Variants in GALNT13 observed in about 807,000 individuals in gnomAD.
The protein encoded by GALNT13 is polypeptide N-acetylgalactosaminyltransferase 13.
A neutral mutation model predicts 64.2 loss-of-function variants in GALNT13; 28 were observed. The observed-to-expected ratio is 0.44, with a 90% CI of 0.32 to 0.60. The LOEUF (loss-of-function observed/expected upper bound fraction) is 0.60, where lower values mean the gene tolerates loss of function less well. GALNT13 is among the 20% of genes least tolerant of loss of function. The pLI, the probability that GALNT13 is intolerant of heterozygous loss-of-function variation, is 0.05. For synonymous variants in GALNT13, 214 were observed against 224.6 expected (o/e 0.95, Z 0.42); for missense variants, 577 against 669.8 (o/e 0.86, Z 1.53).
chr2:153,722,527 T>C, the GALNT13 span, among the ~76,000 whole-genome samples: 5 of 149,566 alleles, frequency 3.3e-5, no homozygotes, highest in African/African-American at 1.3e-4. Flanking sequence ...GAGCTGGTTT[T>C]TTGAAAGGAT....
the GALNT13 span, among the ~76,000 whole-genome samples, chr2:153,830,862 C>T: frequency 1.3e-5 from 2 of 152,058 alleles, no homozygotes; most frequent in Non-Finnish European, 1.5e-5. Context: ...TATGTGTTTA[C>T]GTATTCTTTC....
the GALNT13 span, among the ~76,000 whole-genome samples, chr2:153,742,076 T>C: frequency 6.6e-6 from 1 of 152,072 alleles, no homozygotes; most frequent in Non-Finnish European, 1.5e-5. Context: ...TTAAAAAAAA[T>C]TGTTATTCCT....
rs550992177 is a variant in GALNT13, at chr2:153,974,168, A to T, written c.142+29529A>T. Reference sequence around the variant, plus strand: ...TTTTGTGGCTGTTACTTGCCTGCTCAGTGTCCTTCAATAATTTCCAACTAA... The same window carrying T: ...TTTTGTGGCTGTTACTTGCCTGCTCTGTGTCCTTCAATAATTTCCAACTAA... On this transcript the variant is annotated intron_variant, in intron 3 of 12. Coordinates refer to ENST00000392825, the MANE Select transcript of GALNT13 (RefSeq NM_052917.4). Among the ~76,000 whole-genome samples the T allele has an allele frequency of 2.0e-5, 3 of 152,148 alleles. No individual in the cohort carries two copies. In the South Asian group the frequency reaches 6.2e-4, roughly 32 times the overall value.
the GALNT13 span, among the ~76,000 whole-genome samples, chr2:153,283,913 A>C: frequency 1.3e-5 from 2 of 152,168 alleles, no homozygotes; most frequent in African/African-American, 4.8e-5. Context: ...TTGGTGCTCC[A>C]AATGGCTGGA....
chr2:153,262,639 A>C, the GALNT13 span, among the ~76,000 whole-genome samples: 2 of 152,208 alleles, frequency 1.3e-5, no homozygotes, highest in African/African-American at 2.4e-5. Flanking sequence ...ATGCAAAGCT[A>C]GTTCAACATA....
chr2:153,178,601 G>A, the GALNT13 span, among the ~76,000 whole-genome samples: 1 of 151,850 alleles, frequency 6.6e-6, no homozygotes. Context: ...ATATATTGTG[G>A]ATATTAGCCC....
intron 3 of GALNT13, among the ~76,000 whole-genome samples, chr2:154,041,745 T>C (rs1342174621): frequency 7.1e-6 from 1 of 140,662 alleles, no homozygotes; most frequent in East Asian, 2.0e-4. Context: ...AATATGGGAA[T>C]CTCTAATGTC....
At chr2:154,113,471 G>A (rs944793576) in intron 3 of GALNT13, among the ~76,000 whole-genome samples, 10 of 152,202 alleles carry the variant, frequency 6.6e-5, no homozygotes, top group South Asian at 2.1e-4. Flanking sequence ...CCCACTGGGC[G>A]TTGTGCCTCT....
the GALNT13 span, among the ~76,000 whole-genome samples, chr2:153,407,836 T>C: frequency 2.0e-5 from 3 of 152,162 alleles, no homozygotes; most frequent in Non-Finnish European, 4.4e-5. Context: ...AGCAGGAAGA[T>C]TAAACATTAA....
chr2:153,298,455 A>G, the GALNT13 span, among the ~76,000 whole-genome samples: 1 of 152,200 alleles, frequency 6.6e-6, no homozygotes, highest in African/African-American at 2.4e-5. Context: ...CAGTTACCCA[A>G]GTGCAGCAAA....
the GALNT13 span, among the ~76,000 whole-genome samples, chr2:153,218,444 G>A: frequency 6.6e-6 from 1 of 151,966 alleles, no homozygotes; most frequent in Non-Finnish European, 1.5e-5. Flanking sequence ...TTTTTCTCCA[G>A]ACAGAATTAG....
chr2:153,842,117 A>G, the GALNT13 span, among the ~76,000 whole-genome samples: 1 of 151,962 alleles, frequency 6.6e-6, no homozygotes, highest in Non-Finnish European at 1.5e-5. Flanking sequence ...AAAAGTATAA[A>G]ACTGTGGGAT....
At chr2:153,873,174 G>T (rs72862045) in intron 1 of GALNT13, among the ~76,000 whole-genome samples, 7,450 of 152,250 alleles carry the variant, frequency 0.049, 235 homozygotes, top group South Asian at 0.1. Flanking sequence ...CATCTAATGG[G>T]TATCTCCAGG....
chr2:153,844,452 C>A, the GALNT13 span, among the ~76,000 whole-genome samples: 63,311 of 152,048 alleles, frequency 0.42, 14,160 homozygotes, highest in Admixed American at 0.57. Context: ...GGCCCTGGAC[C>A]AGGGCAACAA....
At chr2:153,856,576 G>T in the GALNT13 span, among the ~76,000 whole-genome samples, 2 of 152,098 alleles carry the variant, frequency 1.3e-5, no homozygotes, top group Non-Finnish European at 2.9e-5. Context: ...AAATCAAAAT[G>T]AGGTAAATCC....
the GALNT13 span, among the ~76,000 whole-genome samples, chr2:153,175,445 CTTAGTG>C: frequency 6.6e-6 from 1 of 152,080 alleles, no homozygotes; most frequent in African/African-American, 2.4e-5. Flanking sequence ...AAAATTCAAA[CTTAGTG>C]TTAAGTAGGG....
the GALNT13 span, among the ~76,000 whole-genome samples, chr2:153,356,780 C>CTTA: frequency 8.3e-6 from 1 of 120,762 alleles, no homozygotes; most frequent in African/African-American, 3.1e-5. Flanking sequence ...TGGAAATTTT[C>CTTA]TTCTTCCTCT....
chr2:153,716,252 A>T, the GALNT13 span, among the ~76,000 whole-genome samples: 1 of 152,174 alleles, frequency 6.6e-6, no homozygotes, highest in Admixed American at 6.5e-5. Context: ...AGCTTGTCCA[A>T]CCCATGGCCC....
chr2:154,216,802 CTTTTT>C (rs397872685), intron 4 of GALNT13, among the ~76,000 whole-genome samples: 3 of 71,296 alleles, frequency 4.2e-5, no homozygotes, highest in African/African-American at 5.4e-5. Flanking sequence ...TTCTCTCTCT[CTTTTT>C]TTTTTTTTTT....
Sources: gnomAD v4.1 joint callset for allele counts (sites outside exome capture counted in the v4.1 genomes callset) on GRCh38, gnomAD v4.1.1 for gene constraint, MANE v1.5 for transcripts, NCBI Gene and HGNC (gene_info 2026-07-23, HGNC 2026-07-21) for gene names.